GLRA2: variants seen among roughly 807,000 people sequenced by gnomAD.
GLRA2 encodes glycine receptor alpha 2.
A neutral mutation model predicts 31.6 loss-of-function variants in GLRA2; 11 were observed. That is an observed-to-expected ratio of 0.35 (90% CI 0.22 to 0.58). The LOEUF (loss-of-function observed/expected upper bound fraction) is 0.58. Ranked by LOEUF, GLRA2 falls within the 20% of genes least tolerant of loss-of-function variation. The pLI is 0.84. For missense variants in GLRA2, 212 were observed against 351.8 expected (o/e 0.60, Z 3.18); for synonymous variants, 132 against 134.0 (o/e 0.99, Z 0.10).
chrX:14,565,286 T>G (rs1008454003), intron 2 of GLRA2, among the ~76,000 whole-genome samples: 3 of 111,482 alleles, frequency 2.7e-5, no homozygotes, highest in African/African-American at 9.8e-5. Flanking sequence ...AAAAAGATAT[T>G]CCATGAAATA....
At chrX:14,582,337 A>G (rs895896573) in intron 4 of GLRA2, among the ~76,000 whole-genome samples, 1 of 107,244 alleles carries the variant, frequency 9.3e-6, no homozygotes, top group African/African-American at 3.4e-5. Flanking sequence ...TCTTCTTGCG[A>G]TAGTTTACTG....
intron 7 of GLRA2, among the ~76,000 whole-genome samples, chrX:14,640,366 G>T (rs1408187281): frequency 1.8e-5 from 2 of 111,244 alleles, no homozygotes; most frequent in African/African-American, 6.5e-5. Context: ...CAAATGAAAA[G>T]AAAATAAAAA....
chrX:14,596,545 G>T (rs1326985632), intron 4 of GLRA2, among the ~76,000 whole-genome samples: 1 of 110,670 alleles, frequency 9.0e-6, no homozygotes, highest in African/African-American at 3.3e-5. Context: ...ATGTCGAGAG[G>T]CTGAGGGAGG....
chrX:14,493,645 A>G, the GLRA2 span, among the ~76,000 whole-genome samples: 6 of 94,638 alleles, frequency 6.3e-5, no homozygotes, highest in African/African-American at 2.9e-4. Flanking sequence ...ATATACATAT[A>G]TATACATATG....
At chrX:14,648,713 T>C (rs1390080043) in intron 7 of GLRA2, among the ~76,000 whole-genome samples, 2 of 111,583 alleles carry the variant, frequency 1.8e-5, no homozygotes, top group African/African-American at 6.5e-5. Flanking sequence ...TTTAGCCTAA[T>C]TTAACTTAAA....
At chrX:14,604,956 G>A (rs1270392238) in intron 5 of GLRA2, among the ~76,000 whole-genome samples, 1 of 110,665 alleles carries the variant, frequency 9.0e-6, no homozygotes, top group African/African-American at 3.3e-5. Flanking sequence ...ATTTCTCTTA[G>A]ATAAGCAGTG....
chrX:14,512,768 CACAA>C, the GLRA2 span, among the ~76,000 whole-genome samples: 1 of 111,609 alleles, frequency 9.0e-6, no homozygotes, highest in Non-Finnish European at 1.9e-5. Context: ...TCATAGATGA[CACAA>C]ACAAATGGAA....
intron 7 of GLRA2, among the ~76,000 whole-genome samples, chrX:14,626,029 C>G (rs1285658441): frequency 1.8e-5 from 2 of 112,101 alleles, no homozygotes; most frequent in African/African-American, 6.5e-5. Flanking sequence ...TTATGCCATA[C>G]CACTTTTCAT....
At chrX:14,595,458 C>T (rs2090191322) in intron 4 of GLRA2, among the ~76,000 whole-genome samples, 1 of 111,889 alleles carries the variant, frequency 8.9e-6, no homozygotes, top group South Asian at 3.7e-4. Context: ...GTAGGCAGGA[C>T]TCTCTCTATG....
the GLRA2 span, among the ~76,000 whole-genome samples, chrX:14,452,074 G>A: frequency 8.9e-6 from 1 of 112,009 alleles, no homozygotes; most frequent in Admixed American, 9.5e-5. Context: ...CTTACTACCT[G>A]GATGATGGGA....
intron 2 of GLRA2, among the ~76,000 whole-genome samples, chrX:14,556,039 G>C (rs758794414): frequency 9.0e-6 from 1 of 111,542 alleles, no homozygotes; most frequent in Non-Finnish European, 1.9e-5. Flanking sequence ...AGGAATGCTA[G>C]GAAAGATGAT....
intron 7 of GLRA2, among the ~76,000 whole-genome samples, chrX:14,637,103 G>A (rs921505574): frequency 2.7e-5 from 3 of 112,286 alleles, no homozygotes; most frequent in East Asian, 2.8e-4. Context: ...TCTTTCTTTT[G>A]ACCCAATTCC....
intron 7 of GLRA2, among the ~76,000 whole-genome samples, chrX:14,632,191 G>A (rs2090657582): frequency 9.2e-6 from 1 of 108,410 alleles, no homozygotes; most frequent in African/African-American, 3.4e-5. Context: ...TTTACTTGAT[G>A]TCTTTTGCCT....
At chrX:14,631,489 T>C (rs1416914870) in intron 7 of GLRA2, among the ~76,000 whole-genome samples, 1 of 111,105 alleles carries the variant, frequency 9.0e-6, no homozygotes, top group Non-Finnish European at 1.9e-5. Flanking sequence ...GTTTTTATCT[T>C]GTTGGGTGGT....
chrX:14,457,317 G>A, the GLRA2 span, among the ~76,000 whole-genome samples: 51 of 111,093 alleles, frequency 4.6e-4, no homozygotes, highest in Admixed American at 1.4e-3. Context: ...CGTCACCTAC[G>A]TTAGGTGTTT....
the GLRA2 span, among the ~76,000 whole-genome samples, chrX:14,518,732 C>G: frequency 9.2e-6 from 1 of 109,169 alleles, no homozygotes; most frequent in South Asian, 4.0e-4. Flanking sequence ...ATCAGGTGGC[C>G]AGGTGCGGTG....
At chrX:14,507,019 C>T in the GLRA2 span, among the ~76,000 whole-genome samples, 1 of 111,860 alleles carries the variant, frequency 8.9e-6, no homozygotes, top group African/African-American at 3.2e-5. Flanking sequence ...TGAGTAATTG[C>T]TCACAAGCTA....
At chrX:14,485,490 G>A in the GLRA2 span, among the ~76,000 whole-genome samples, 72 of 111,180 alleles carry the variant, frequency 6.5e-4, no homozygotes, top group African/African-American at 2.3e-3. Context: ...ATATATTTAT[G>A]GTGTACAACA....
intron 4 of GLRA2, among the ~76,000 whole-genome samples, chrX:14,588,509 T>C (rs183759838): frequency 9.7e-4 from 108 of 111,907 alleles, no homozygotes; most frequent in African/African-American, 3.3e-3. Flanking sequence ...TGAACTTGGG[T>C]AGTGTGATGC....
Sources: allele counts gnomAD v4.1 joint callset (sites outside exome capture counted in the v4.1 genomes callset), GRCh38; gene constraint gnomAD v4.1.1; transcripts MANE v1.5; gene names NCBI Gene and HGNC (gene_info 2026-07-23, HGNC 2026-07-21).